Variants in LRRC4C observed in about 807,000 individuals in gnomAD.
The protein encoded by LRRC4C is leucine rich repeat containing 4C.
In LRRC4C, 5 loss-of-function variants were observed where a neutral mutation model predicts 33.6. That is an observed-to-expected ratio of 0.15 (90% CI 0.08 to 0.31). LRRC4C has a LOEUF of 0.31. LRRC4C is among the 10% of genes least tolerant of loss of function. The pLI is 1.00. For synonymous variants in LRRC4C, 329 were observed against 302.0 expected, an observed-to-expected ratio of 1.09 and a Z score of -0.93; for missense variants, 560 against 796.7, an observed-to-expected ratio of 0.70 and a Z score of 3.58.
At chr11:41,062,419 T>A (rs974269164) in intron 1 of LRRC4C, among the ~76,000 whole-genome samples, 2 of 152,244 alleles carry the variant, frequency 1.3e-5, no homozygotes, top group Admixed American at 6.5e-5. Context: ...TCCACCTGGC[T>A]TATTACCTTC....
At chr11:41,128,063 A>G (rs1942833285) in intron 1 of LRRC4C, among the ~76,000 whole-genome samples, 1 of 152,180 alleles carries the variant, frequency 6.6e-6, no homozygotes, top group East Asian at 1.9e-4. Flanking sequence ...GGTAGATTGC[A>G]CTATTCACAT....
At chr11:40,502,356 TTA>T (rs1954819173) in intron 3 of LRRC4C, among the ~76,000 whole-genome samples, 1 of 152,104 alleles carries the variant, frequency 6.6e-6, no homozygotes, top group African/African-American at 2.4e-5. Flanking sequence ...TGGCACCAAT[TTA>T]CTGTATTCAT....
intron 3 of LRRC4C, among the ~76,000 whole-genome samples, chr11:40,400,038 G>A (rs1161779665): frequency 2.6e-5 from 4 of 152,092 alleles, no homozygotes; most frequent in African/African-American, 7.2e-5. Context: ...ATTTATAATT[G>A]TGGGAGTTGT....
At chr11:40,670,455 T>C (rs1944033379) in intron 2 of LRRC4C, among the ~76,000 whole-genome samples, 1 of 152,232 alleles carries the variant, frequency 6.6e-6, no homozygotes, top group Non-Finnish European at 1.5e-5. Context: ...CAGACCAATG[T>C]GAATACCATT....
chr11:40,192,472 C>A (rs1007216067), intron 5 of LRRC4C, among the ~76,000 whole-genome samples: 1 of 152,212 alleles, frequency 6.6e-6, no homozygotes, highest in African/African-American at 2.4e-5. Context: ...CCAGGAGATT[C>A]CCTTGGGTGC....
chr11:41,075,754 A>C (rs928923399), intron 1 of LRRC4C, among the ~76,000 whole-genome samples: 1 of 151,986 alleles, frequency 6.6e-6, no homozygotes, highest in Non-Finnish European at 1.5e-5. Context: ...AATTCCCTTA[A>C]ATTTTCTCTT....
At chr11:40,860,807 TTTTTTTTTTC>T in intron 2 of LRRC4C, among the ~76,000 whole-genome samples, 1 of 77,534 alleles carries the variant, frequency 1.3e-5, no homozygotes, top group African/African-American at 5.2e-5. Context: ...TTTTTTTTTT[TTTTTTTTTTC>T]AGTGAGGCAC....
chr11:40,135,754 T>A (rs1478429503), intron 6 of LRRC4C, among the ~76,000 whole-genome samples: 2 of 152,192 alleles, frequency 1.3e-5, no homozygotes, highest in African/African-American at 4.8e-5. Flanking sequence ...CTAATATGGA[T>A]ATTAGAGACG....
chr11:40,694,023 A>T (rs1303770614), intron 2 of LRRC4C, among the ~76,000 whole-genome samples: 3 of 152,162 alleles, frequency 2.0e-5, no homozygotes, highest in Non-Finnish European at 4.4e-5. Flanking sequence ...TGAAAAACAA[A>T]ACAATTGCAT....
intron 3 of LRRC4C, among the ~76,000 whole-genome samples, chr11:40,506,315 A>G (rs1267011521): frequency 6.6e-6 from 1 of 152,196 alleles, no homozygotes; most frequent in Non-Finnish European, 1.5e-5. Flanking sequence ...TCCAAGAGCT[A>G]GCAGACCATA....
At chr11:40,685,133 T>A (rs1402608622) in intron 2 of LRRC4C, among the ~76,000 whole-genome samples, 1 of 152,038 alleles carries the variant, frequency 6.6e-6, no homozygotes, top group African/African-American at 2.4e-5. Context: ...TCAATCAGAT[T>A]GACCTGCTAA....
At chr11:40,642,022 T>A (rs1942152099) in intron 3 of LRRC4C, among the ~76,000 whole-genome samples, 1 of 38,316 alleles carries the variant, frequency 2.6e-5, no homozygotes, top group Admixed American at 3.5e-4. Context: ...CACAGGCTGC[T>A]TTTTTTTTTT....
chr11:41,154,169 A>G, intron 1 of LRRC4C, among the ~76,000 whole-genome samples: 1 of 152,202 alleles, frequency 6.6e-6, no homozygotes, highest in East Asian at 1.9e-4. Flanking sequence ...ACTGGAAACT[A>G]GCACATTCAT....
At chr11:40,764,760 G>GA (rs1949374811) in intron 2 of LRRC4C, among the ~76,000 whole-genome samples, 2 of 152,062 alleles carry the variant, frequency 1.3e-5, no homozygotes, top group African/African-American at 4.8e-5. Flanking sequence ...TTTAGGGGGG[G>GA]AACATATGGG....
In LRRC4C at chr11:41,447,753, C is replaced by G. The variant is rs539500561; in HGVS notation, c.-496+11678G>C. On this transcript the variant is annotated intron_variant, in intron 1 of 6. Coordinates refer to ENST00000528697, the MANE Select transcript of LRRC4C (RefSeq NM_001258419.2). ...AAATGTTCCAACATTCACTCAAATC[C>G]TGATTCAGTTAAAACATAAAATAGT... 2.0e-5 allele frequency among the ~76,000 whole-genome samples: 3 copies of G among 152,270 alleles called. No individual in the cohort carries two copies. The East Asian group carries it at 5.8e-4, about 29-fold the overall frequency.
intron 3 of LRRC4C, among the ~76,000 whole-genome samples, chr11:40,599,829 G>T (rs1019237996): frequency 1.3e-5 from 2 of 152,202 alleles, no homozygotes; most frequent in Admixed American, 1.3e-4. Flanking sequence ...GACAGAAATG[G>T]AAATGTAGGG....
chr11:40,844,976 G>A (rs1052903325), intron 2 of LRRC4C, among the ~76,000 whole-genome samples: 1 of 151,716 alleles, frequency 6.6e-6, no homozygotes, highest in Non-Finnish European at 1.5e-5. Context: ...TCAAAAGAAA[G>A]CTAGGGTTTC....
chr11:40,562,284 GTATT>G (rs1382420709), intron 3 of LRRC4C, among the ~76,000 whole-genome samples: 1 of 152,126 alleles, frequency 6.6e-6, no homozygotes, highest in African/African-American at 2.4e-5. Context: ...AAAATAAAAT[GTATT>G]TATAGTGTTT....
chr11:40,787,216 A>G (rs894851772), intron 2 of LRRC4C, among the ~76,000 whole-genome samples: 1 of 151,036 alleles, frequency 6.6e-6, no homozygotes, highest in Non-Finnish European at 1.5e-5. Flanking sequence ...TATTTTCCCT[A>G]GGTGGTAAAA....
Sources: allele counts gnomAD v4.1 joint callset (sites outside exome capture counted in the v4.1 genomes callset), GRCh38; gene constraint gnomAD v4.1.1; transcripts MANE v1.5; gene names NCBI Gene and HGNC (gene_info 2026-07-23, HGNC 2026-07-21).